The following TCF7L1 variants were observed in gnomAD, a reference collection of about 807,000 sequenced individuals.
TCF7L1 encodes the protein transcription factor 7 like 1, also known as transcription factor 7-like 1.
TCF7L1 carries 18 observed loss-of-function variants against 63.7 expected under a neutral mutation model. The observed-to-expected ratio is 0.28, with a 90% CI of 0.20 to 0.42. The LOEUF is 0.42. TCF7L1 is among the 10% of genes least tolerant of loss of function. The pLI is 1.00. For synonymous variants in TCF7L1, 355 were observed against 340.9 expected, an observed-to-expected ratio of 1.04 and a Z score of -0.46; for missense variants, 654 against 779.3, an observed-to-expected ratio of 0.84 and a Z score of 1.91.
intron 3 of TCF7L1, among the ~76,000 whole-genome samples, chr2:85,165,934 G>A (rs1261443094): frequency 1.3e-5 from 2 of 152,028 alleles, no homozygotes; most frequent in Non-Finnish European, 2.9e-5. Context: ...TTCATGTTTT[G>A]TGTGTGTGTG....
intron 3 of TCF7L1, among the ~76,000 whole-genome samples, chr2:85,266,823 T>C (rs1487661450): frequency 1.3e-5 from 2 of 152,266 alleles, no homozygotes; most frequent in African/African-American, 4.8e-5. Context: ...ATTATTTTTA[T>C]GTTTATGTGT....
chr2:85,170,183 C>G (rs1678515631), intron 3 of TCF7L1, among the ~76,000 whole-genome samples: 1 of 152,146 alleles, frequency 6.6e-6, no homozygotes, highest in South Asian at 2.1e-4. Context: ...ACCTTCCCTT[C>G]TTTGTGGAGA....
chr2:85,196,709 A>C (rs1679165866), intron 3 of TCF7L1, among the ~76,000 whole-genome samples: 1 of 152,188 alleles, frequency 6.6e-6, no homozygotes, highest in African/African-American at 2.4e-5. Context: ...ATGTGTAGTC[A>C]AGGTTAATAA....
At chr2:85,222,582 A>T (rs1572998185) in intron 3 of TCF7L1, among the ~76,000 whole-genome samples, 1 of 142,198 alleles carries the variant, frequency 7.0e-6, no homozygotes, top group East Asian at 2.2e-4. Context: ...AGTTGTGAGG[A>T]TTGCTTGAGC....
intron 3 of TCF7L1, among the ~76,000 whole-genome samples, chr2:85,139,915 G>T (rs1677683069): frequency 6.6e-6 from 1 of 152,196 alleles, no homozygotes; most frequent in Non-Finnish European, 1.5e-5. Context: ...GAAGTGATGT[G>T]ACTTGTACAC....
chr2:85,218,864 G>A (rs1679775356), intron 3 of TCF7L1, among the ~76,000 whole-genome samples: 1 of 152,108 alleles, frequency 6.6e-6, no homozygotes, highest in African/African-American at 2.4e-5. Flanking sequence ...CGGGCATAAT[G>A]GTGAATAAGA....
chr2:85,167,592 G>A (rs753106850), intron 3 of TCF7L1, among the ~76,000 whole-genome samples: 16 of 152,186 alleles, frequency 1.1e-4, no homozygotes, highest in Non-Finnish European at 2.2e-4. Context: ...GCCAGGCATG[G>A]TGGTTCATGC....
At chr2:85,177,074 GGAGGATA>G (rs2104244387) in intron 3 of TCF7L1, among the ~76,000 whole-genome samples, 1 of 152,252 alleles carries the variant, frequency 6.6e-6, no homozygotes, top group East Asian at 1.9e-4. Flanking sequence ...TCATAGTTTG[GGAGGATA>G]GAGGGTGAGA....
At chr2:85,228,877 C>T (rs373861166) in intron 3 of TCF7L1, among the ~76,000 whole-genome samples, 2 of 150,586 alleles carry the variant, frequency 1.3e-5, no homozygotes, top group East Asian at 2.0e-4. Context: ...AAAAATTAGC[C>T]GGGGAGGGTG....
Position 85,134,542 on chromosome 2 carries a change from T to C in TCF7L1, c.441+92T>C, listed in dbSNP as rs1423453994. 2.0e-6 allele frequency: 3 copies of C among 1,476,448 alleles called. No homozygotes were observed. Among genetic ancestry groups the C allele is most frequent in the African/African-American group, 2.8e-5 (2 of 70,826 alleles). 91.5% of individuals were successfully genotyped at this position (1,476,448 alleles called of 1,614,324 possible). On this transcript the variant is annotated intron_variant, in intron 3 of 11. Coordinates refer to ENST00000282111, the MANE Select transcript of TCF7L1 (RefSeq NM_031283.3). This position sits in a 1 kb window ranked among gnomAD's most constrained non-coding sequence, Gnocchi z 5.0. The stretch of plus-strand genomic sequence containing the variant: ...TGGCCATGGAGTGGGGGATGGGGCC[T>C]TCTGCGCCGATCCCAAGCAGAACTT...
chr2:85,307,768 C>T, intron 11 of TCF7L1, 51 bp downstream of exon 11: 1 of 1,511,798 alleles, frequency 6.6e-7, no homozygotes, highest in Non-Finnish European at 9.2e-7. Flanking sequence ...TTGTCACAGC[C>T]ACACCTGCCC....
intron 3 of TCF7L1, among the ~76,000 whole-genome samples, chr2:85,216,514 A>G (rs1679715550): frequency 6.6e-6 from 1 of 152,106 alleles, no homozygotes; most frequent in Non-Finnish European, 1.5e-5. Context: ...TACCCTTTTT[A>G]TTTTGCCTCA....
At chr2:85,201,155 A>T (rs1244880621) in intron 3 of TCF7L1, among the ~76,000 whole-genome samples, 3 of 152,358 alleles carry the variant, frequency 2.0e-5, no homozygotes, top group East Asian at 3.9e-4. Context: ...GTGAGCCAAG[A>T]TCACACTACT....
intron 3 of TCF7L1, among the ~76,000 whole-genome samples, chr2:85,268,471 CTTTTT>C (rs554305734): frequency 1.5e-5 from 2 of 134,810 alleles, no homozygotes; most frequent in African/African-American, 5.4e-5. Flanking sequence ...GATTGGATGC[CTTTTT>C]TTTTTTTTTT....
chr2:85,182,300 T>C (rs1311009103), intron 3 of TCF7L1, among the ~76,000 whole-genome samples: 2 of 152,194 alleles, frequency 1.3e-5, no homozygotes, highest in Non-Finnish European at 1.5e-5. Context: ...TGATACTCAC[T>C]CTCTGTGAGT....
At chr2:85,303,740 C>T (rs925178702) in intron 5 of TCF7L1, 155 bp from the exon 6 acceptor site, 2 of 572,370 alleles carry the variant, frequency 3.5e-6, no homozygotes, top group East Asian at 2.9e-5. Context: ...CTGGTGAGAG[C>T]TGCTAGGGAG....
At chr2:85,165,719 G>A (rs1678400245) in intron 3 of TCF7L1, among the ~76,000 whole-genome samples, 1 of 152,176 alleles carries the variant, frequency 6.6e-6, no homozygotes, top group Non-Finnish European at 1.5e-5. Flanking sequence ...TAGGTTTATG[G>A]AACTTGGTTT....
chr2:85,260,621 G>T (rs1680835766), intron 3 of TCF7L1, among the ~76,000 whole-genome samples: 1 of 148,992 alleles, frequency 6.7e-6, no homozygotes, highest in Admixed American at 6.7e-5. Context: ...TCCAACCCCG[G>T]TGACAGAGTG....
At position 85,244,545 on chromosome 2, in the gene TCF7L1, G is replaced by T. The variant is rs142000067; in HGVS notation, c.442-38950G>T. Reference sequence around the variant, plus strand: ...GAGTTAGGAATGTCTCCTGGGCAGTGGGAAAGAAGAAAGTGTCATTGACAG... The same window carrying T: ...GAGTTAGGAATGTCTCCTGGGCAGTTGGAAAGAAGAAAGTGTCATTGACAG... On this transcript the variant is annotated intron_variant, in intron 3 of 11. Coordinates refer to ENST00000282111, the MANE Select transcript of TCF7L1 (RefSeq NM_031283.3). Among the ~76,000 whole-genome samples the T allele has an allele frequency of 1.2e-4, 19 of 152,300 alleles. No homozygotes were observed. In the East Asian group the frequency reaches 3.5e-3, roughly 28 times the overall value.
Sources: gnomAD v4.1 joint callset for allele counts (sites outside exome capture counted in the v4.1 genomes callset) on GRCh38, gnomAD v4.1.1 for gene constraint, Gnocchi (gnomAD v3.1) non-coding constraint, MANE v1.5 for transcripts, NCBI Gene and HGNC (gene_info 2026-07-23, HGNC 2026-07-21) for gene names.